Variants in TENM3 observed in about 807,000 individuals in gnomAD.
TENM3 encodes teneurin-3.
A neutral mutation model predicts 255.1 loss-of-function variants in TENM3; 63 were observed. The observed-to-expected ratio is 0.25, with a 90% CI of 0.20 to 0.30. The LOEUF (loss-of-function observed/expected upper bound fraction) is 0.30, where lower values mean the gene tolerates loss of function less well. Ranked by LOEUF, TENM3 falls within the 10% of genes least tolerant of loss-of-function variation. TENM3 has a pLI of 1.00. For missense variants in TENM3, 2,929 were observed against 3,461.1 expected, an observed-to-expected ratio of 0.85 and a Z score of 3.86; for synonymous variants, 1,306 against 1,322.3, an observed-to-expected ratio of 0.99 and a Z score of 0.27.
chr4:182,301,455 A>T (rs1419802664), intron 1 of TENM3, among the ~76,000 whole-genome samples: 2 of 152,150 alleles, frequency 1.3e-5, no homozygotes, highest in Non-Finnish European at 2.9e-5. Flanking sequence ...GCGTGATGAG[A>T]TTTAGAACAG....
At chr4:181,993,843 G>T in the TENM3 span, among the ~76,000 whole-genome samples, 6 of 152,044 alleles carry the variant, frequency 3.9e-5, no homozygotes, top group South Asian at 1.2e-3. Context: ...TAAGAATGCT[G>T]CCCGTTGGTT....
At chr4:181,908,583 A>C in the TENM3 span, among the ~76,000 whole-genome samples, 1 of 152,322 alleles carries the variant, frequency 6.6e-6, no homozygotes, top group Admixed American at 6.5e-5. Flanking sequence ...ATTTTAGACT[A>C]TTCTGAATTT....
At chr4:181,626,480 C>G in the TENM3 span, among the ~76,000 whole-genome samples, 1 of 152,186 alleles carries the variant, frequency 6.6e-6, no homozygotes, top group African/African-American at 2.4e-5. Flanking sequence ...CCAGCATCTG[C>G]TTCTGATGAG....
chr4:181,831,467 A>T, the TENM3 span, among the ~76,000 whole-genome samples: 1 of 148,844 alleles, frequency 6.7e-6, no homozygotes. Flanking sequence ...GAAAGCATTA[A>T]CCTATCATTT....
chr4:181,756,315 A>G, the TENM3 span, among the ~76,000 whole-genome samples: 1 of 152,200 alleles, frequency 6.6e-6, no homozygotes, highest in East Asian at 1.9e-4. Flanking sequence ...GACAGCCTTC[A>G]TTTCATTTGG....
chr4:182,286,102 C>T (rs554133697), intron 1 of TENM3, among the ~76,000 whole-genome samples: 2 of 152,248 alleles, frequency 1.3e-5, no homozygotes, highest in African/African-American at 4.8e-5. Context: ...GGCCTCACAC[C>T]TCTTGCTTCT....
chr4:182,783,479 G>T (rs1249202137), intron 24 of TENM3, among the ~76,000 whole-genome samples: 1 of 152,058 alleles, frequency 6.6e-6, no homozygotes, highest in Non-Finnish European at 1.5e-5. Context: ...CTCTCTGGCT[G>T]CCCTTAACAT....
chr4:182,003,811 T>G, the TENM3 span, among the ~76,000 whole-genome samples: 18 of 152,292 alleles, frequency 1.2e-4, 1 homozygote, highest in African/African-American at 4.3e-4. Flanking sequence ...TTTAGTCTTA[T>G]AGTTCTTTGA....
Position 182,346,863 on chromosome 4 carries a change from A to G in TENM3, c.445A>G (p.Ser149Gly), listed in dbSNP as rs201502597. Residue 149 changes from serine to glycine, a missense_variant, in exon 3 of 28, where the codon AGT becomes GGT. Ser to Gly is a moderately conservative substitution (Grantham distance 56). Transcript: ENST00000511685. ...ATCAGGCCGCAGCTCCTGCCTGTCA[A>G]GTCGGTCCAACTCAGCCCTCACCCT... ...VKSGRSSCLSSRSNSALTLTD... is the reference protein window; with the variant it reads ...VKSGRSSCLSGRSNSALTLTD... The G allele has an allele frequency of 4.5e-5, 73 of 1,613,548 alleles. No individual in the cohort carries two copies. The East Asian group carries it at 1.6e-3, about 35-fold the overall frequency.
At chr4:182,458,285 A>G (rs1774030260) in intron 3 of TENM3, among the ~76,000 whole-genome samples, 1 of 152,156 alleles carries the variant, frequency 6.6e-6, no homozygotes, top group Non-Finnish European at 1.5e-5. Context: ...TATTTAATTG[A>G]TGGCTAATGT....
the TENM3 span, among the ~76,000 whole-genome samples, chr4:181,473,677 G>A: frequency 1.4e-5 from 2 of 146,318 alleles, no homozygotes; most frequent in South Asian, 4.6e-4. Flanking sequence ...TGACTAAAGA[G>A]ACAAGACATG....
At chr4:182,719,991 G>C (rs1759578446) in intron 13 of TENM3, among the ~76,000 whole-genome samples, 1 of 152,048 alleles carries the variant, frequency 6.6e-6, no homozygotes, top group African/African-American at 2.4e-5. Context: ...AGCCTGGGGA[G>C]GTCAAGGCTG....
intron 3 of TENM3, among the ~76,000 whole-genome samples, chr4:182,412,294 G>T (rs1770041920): frequency 6.6e-6 from 1 of 152,088 alleles, no homozygotes; most frequent in Non-Finnish European, 1.5e-5. Flanking sequence ...TACAAGATCT[G>T]GTTCTGGGAT....
the TENM3 span, among the ~76,000 whole-genome samples, chr4:181,974,962 C>G: frequency 6.6e-6 from 1 of 151,972 alleles, no homozygotes. Flanking sequence ...TTTTGGAGTT[C>G]CCGGTGTCTA....
chr4:182,401,656 G>GTCACTTACTT (rs566087165), intron 3 of TENM3, among the ~76,000 whole-genome samples: 88 of 152,144 alleles, frequency 5.8e-4, no homozygotes, highest in Admixed American at 3.0e-3. Context: ...GAGACACTGA[G>GTCACTTACTT]TCACTTACTT....
intron 1 of TENM3, among the ~76,000 whole-genome samples, chr4:182,263,806 T>C (rs1759044873): frequency 1.3e-5 from 2 of 152,134 alleles, no homozygotes; most frequent in African/African-American, 2.4e-5. Flanking sequence ...AAGTCAGAGG[T>C]TGGATTAAAG....
the TENM3 span, among the ~76,000 whole-genome samples, chr4:181,623,205 C>T: frequency 1.3e-4 from 20 of 152,118 alleles, no homozygotes; most frequent in South Asian, 8.3e-4. Context: ...ACAAGCCGTG[C>T]GACATTAGAT....
the TENM3 span, among the ~76,000 whole-genome samples, chr4:181,697,595 T>C: frequency 1.3e-5 from 2 of 152,036 alleles, no homozygotes; most frequent in Non-Finnish European, 2.9e-5. Context: ...GGTTTCACCA[T>C]GTTAGACAGG....
chr4:181,714,336 G>A, the TENM3 span, among the ~76,000 whole-genome samples: 1 of 152,194 alleles, frequency 6.6e-6, no homozygotes, highest in African/African-American at 2.4e-5. Context: ...CAGCTACTTG[G>A]GAGGCTGGGG....
Sources: gnomAD v4.1 joint callset for allele counts (sites outside exome capture counted in the v4.1 genomes callset) on GRCh38, gnomAD v4.1.1 for gene constraint, MANE v1.5 for transcripts, NCBI Gene and HGNC (gene_info 2026-07-23, HGNC 2026-07-21) for gene names.